Variants in CCDC88C observed in about 807,000 individuals in gnomAD.
CCDC88C encodes coiled-coil and HOOK domain protein 88C.
Under a neutral mutation model 198.8 loss-of-function variants are expected in CCDC88C, and 131 were observed. The ratio of observed to expected loss-of-function variants is 0.66; its 90% confidence interval spans 0.57 to 0.76. CCDC88C has a LOEUF of 0.76. Ranked by LOEUF, CCDC88C falls within the 30% of genes least tolerant of loss-of-function variation. The probability of loss-of-function intolerance (pLI) is 0.00; values close to 1 mark genes in which losing one functional copy is unlikely to be tolerated. For synonymous variants in CCDC88C, 1,166 were observed against 1,114.7 expected (o/e 1.05, Z -0.92); for missense variants, 2,553 against 2,631.6 (o/e 0.97, Z 0.65).
At position 91,308,511 on chromosome 14, in the gene CCDC88C, C is replaced by T. The variant is rs1891657928; in HGVS notation, c.2865-19G>A. On this transcript the variant is annotated intron_variant, in intron 16 of 29. Transcript: ENST00000389857. ...GTATTTTCTGGAAAACACAAAGATACAATAGTATCACTTATCTACTTCCTC... is the reference window on the plus strand; with the variant it reads ...GTATTTTCTGGAAAACACAAAGATATAATAGTATCACTTATCTACTTCCTC... 6.2e-7 allele frequency: 1 copy of T among 1,612,216 alleles called. No homozygotes were observed. The highest frequency in any genetic ancestry group is 2.2e-5 in the East Asian group (1 of 44,870).
At chr14:91,308,602 T>C in intron 16 of CCDC88C, 110 bp from the exon 17 acceptor site, 1 of 1,162,294 alleles carries the variant, frequency 8.6e-7, no homozygotes, top group East Asian at 2.4e-5. Flanking sequence ...GTTACGGAGC[T>C]GCTGCAGCTT....
chr14:91,354,836 A>G lies in CCDC88C; in HGVS notation c.340+4806T>C, dbSNP rs1213954799. 2.6e-5 allele frequency among the ~76,000 whole-genome samples: 4 copies of G among 152,218 alleles called. No homozygotes were observed. The South Asian group carries it at 8.3e-4, about 32-fold the overall frequency. ...GAGAGCGTGCACCCTAACGGGGGAA[A>G]AGTATGCAATGCCACAGAGGGGAAA... On this transcript the variant is annotated intron_variant, in intron 4 of 29. Transcript: ENST00000389857.
chr14:91,411,461 C>T (rs2140018321), intron 2 of CCDC88C, among the ~76,000 whole-genome samples: 1 of 152,314 alleles, frequency 6.6e-6, no homozygotes, highest in Admixed American at 6.5e-5. Context: ...AACCGCTAAA[C>T]AACTGCACTT....
chr14:91,281,153 G>A (rs541496256), intron 27 of CCDC88C: 12 of 543,382 alleles, frequency 2.2e-5, no homozygotes, highest in African/African-American at 5.7e-5. Flanking sequence ...TGAAATGAAC[G>A]CTCCCCACCT....
At chr14:91,377,871 G>C (rs1438201870) in intron 3 of CCDC88C, among the ~76,000 whole-genome samples, 5 of 151,904 alleles carry the variant, frequency 3.3e-5, no homozygotes, top group Non-Finnish European at 7.4e-5. Context: ...AAGGAGGAAG[G>C]GGGAAGGGAG....
rs1375896014 is a variant in CCDC88C at position 91,343,796 on chromosome 14, C to T, written c.341-139G>A. ...ATTCACTTAGGTATACACACTCCAT[C>T]GATCTTCCATGTGTGGCTTTATTTA... On this transcript the variant is annotated intron_variant, in intron 4 of 29. Transcript: ENST00000389857. 13 of 954,142 alleles carry T rather than the reference C, an allele frequency of 1.4e-5. No individual in the cohort carries two copies. In the South Asian group the frequency reaches 1.6e-4, roughly 12 times the overall value. 59.1% of individuals were successfully genotyped at this position (954,142 alleles called of 1,614,324 possible).
At chr14:91,290,895 G>A in intron 24 of CCDC88C, 100 bp downstream of exon 24, 1 of 706,104 alleles carries the variant, frequency 1.4e-6, no homozygotes, top group Admixed American at 2.2e-5. Context: ...TGCACAGGTG[G>A]ATGGTGCGGG....
At chr14:91,333,659 T>G (rs1381177841) in intron 10 of CCDC88C, among the ~76,000 whole-genome samples, 2 of 152,272 alleles carry the variant, frequency 1.3e-5, no homozygotes, top group Non-Finnish European at 2.9e-5. Flanking sequence ...CATATTAGTT[T>G]TTTAAAAGTA....
At chr14:91,280,446 T>G (rs998987046) in intron 27 of CCDC88C, among the ~76,000 whole-genome samples, 3 of 152,144 alleles carry the variant, frequency 2.0e-5, no homozygotes, top group African/African-American at 4.8e-5. Context: ...ATCGGTCCCC[T>G]CCCTGAGCAG....
At chr14:91,404,399 T>C (rs529645848) in intron 3 of CCDC88C, among the ~76,000 whole-genome samples, 54 of 152,316 alleles carry the variant, frequency 3.5e-4, no homozygotes, top group African/African-American at 1.2e-3. Flanking sequence ...CCCAGGAGAT[T>C]CAGCTCAACG....
chr14:91,368,142 G>A (rs1291351657), intron 3 of CCDC88C, among the ~76,000 whole-genome samples: 1 of 152,176 alleles, frequency 6.6e-6, no homozygotes, highest in African/African-American at 2.4e-5. Flanking sequence ...CCTCTTTTGT[G>A]GAGGAGGTGT....
At chr14:91,337,958 G>T in intron 10 of CCDC88C, 47 bp downstream of exon 10, 8 of 1,600,400 alleles carry the variant, frequency 5.0e-6, no homozygotes, top group Non-Finnish European at 6.8e-6. Flanking sequence ...TGCTTCTCAG[G>T]AATTTCCAGC....
At chr14:91,383,716 GA>G in intron 3 of CCDC88C, among the ~76,000 whole-genome samples, 1 of 152,302 alleles carries the variant, frequency 6.6e-6, no homozygotes, top group South Asian at 2.1e-4. Context: ...CAAGCACTGG[GA>G]AAAGACACAA....
intron 15 of CCDC88C, among the ~76,000 whole-genome samples, chr14:91,312,416 CT>C (rs909125671): frequency 2.0e-5 from 3 of 152,040 alleles, no homozygotes; most frequent in African/African-American, 7.3e-5. Flanking sequence ...GGCGCGGTGG[CT>C]CATGCCTGTA....
intron 3 of CCDC88C, among the ~76,000 whole-genome samples, chr14:91,403,608 A>G (rs1325467335): frequency 6.6e-6 from 1 of 152,266 alleles, no homozygotes; most frequent in East Asian, 1.9e-4. Flanking sequence ...ACCATTACAT[A>G]AATCCAAAAT....
chr14:91,361,487 G>A (rs908212185), intron 3 of CCDC88C, among the ~76,000 whole-genome samples: 1 of 152,122 alleles, frequency 6.6e-6, no homozygotes, highest in African/African-American at 2.4e-5. Flanking sequence ...TGGTCTTCTC[G>A]TCCCTCCTTA....
intron 21 of CCDC88C, among the ~76,000 whole-genome samples, chr14:91,299,269 A>C (rs970062183): frequency 1.3e-5 from 2 of 152,186 alleles, no homozygotes; most frequent in African/African-American, 4.8e-5. Flanking sequence ...CATCACAGCC[A>C]CCTTCTGCTT....
chr14:91,408,476 T>A, intron 3 of CCDC88C, 183 bp downstream of exon 3: 1 of 595,066 alleles, frequency 1.7e-6, no homozygotes, highest in South Asian at 1.9e-5. Flanking sequence ...ACAAAGGAAA[T>A]CAACGCACCA....
At chr14:91,344,024 T>G (rs1272428872) in intron 4 of CCDC88C, among the ~76,000 whole-genome samples, 1 of 152,096 alleles carries the variant, frequency 6.6e-6, no homozygotes, top group Non-Finnish European at 1.5e-5. Context: ...TTTTGCCATG[T>G]TGCCTAGGCT....
Sources: gnomAD v4.1 joint callset for allele counts (sites outside exome capture counted in the v4.1 genomes callset) on GRCh38, gnomAD v4.1.1 for gene constraint, MANE v1.5 for transcripts, NCBI Gene and HGNC (gene_info 2026-07-23, HGNC 2026-07-21) for gene names.